Variants in PARM1 observed in about 807,000 individuals in gnomAD.
PARM1 encodes the protein WSC4, cell wall integrity and stress response component 4 homolog.
A neutral mutation model predicts 24.6 loss-of-function variants in PARM1; 14 were observed. That is an observed-to-expected ratio of 0.57 (90% CI 0.38 to 0.89). PARM1 has a LOEUF of 0.89. PARM1 is among the 40% of genes least tolerant of loss of function. PARM1 has a pLI of 0.00. For synonymous variants in PARM1, 179 were observed against 156.6 expected (o/e 1.14, Z -1.07); for missense variants, 362 against 380.4 (o/e 0.95, Z 0.40).
In PARM1 at chr4:75,047,589, G is replaced by T. The variant is rs1324831144; in HGVS notation, c.*1342G>T. ...GACAGTTTTCATTGTCATGACTTGGGGGTGCTACTAGAAGCCAGGAATGCT... is the reference window on the plus strand; with the variant it reads ...GACAGTTTTCATTGTCATGACTTGGTGGTGCTACTAGAAGCCAGGAATGCT... On this transcript the variant is annotated 3_prime_UTR_variant, in exon 4 of 4. Transcript: ENST00000307428. 1.3e-5 allele frequency: 2 copies of T among 152,108 alleles called. No individual in the cohort carries two copies. Among genetic ancestry groups the T allele is most frequent in the Non-Finnish European group, 2.9e-5 (2 of 68,026 alleles). The allele number at this position is 152,108 out of a possible 1,614,324, so 9.4% of individuals were successfully genotyped here. A position where few individuals can be genotyped will look rare whatever the true frequency, so the allele number is the denominator to read the frequency against.
At chr4:75,004,228 CAATG>C (rs1722731494) in intron 1 of PARM1, among the ~76,000 whole-genome samples, 1 of 152,124 alleles carries the variant, frequency 6.6e-6, no homozygotes, top group Non-Finnish European at 1.5e-5. Flanking sequence ...TGTTTCTACT[CAATG>C]AATATTTATT....
rs187141291 is a variant in PARM1 at position 74,934,249 on chromosome 4, C to G, written c.43+879C>G. Among the ~76,000 whole-genome samples, 130 of 152,258 alleles carry G rather than the reference C, an allele frequency of 8.5e-4. 2 individuals carry two copies. Among genetic ancestry groups the G allele is most frequent in the African/African-American group, 3.0e-3 (124 of 41,544 alleles). ...GGTACCTATTTTTTCCAGAAAACGT[C>G]TCCCGAAAAGGGACAACTGGCTGTG... is the stretch of plus-strand genomic sequence containing the variant. On this transcript the variant is annotated intron_variant, in intron 1 of 3. Transcript: ENST00000307428.
rs536808640 is a variant in PARM1 at position 75,046,521 on chromosome 4, C to G, written c.*274C>G. ...GGCCAGACCACCATGGTGAAGGCTT[C>G]TTTCCCCACTGCAGGACCCACTTTG... On this transcript the variant is annotated 3_prime_UTR_variant, in exon 4 of 4. Coordinates refer to ENST00000307428, the MANE Select transcript of PARM1 (RefSeq NM_015393.4). 1.0e-3 allele frequency: 332 copies of G among 331,724 alleles called. 7 individuals carry two copies. In the South Asian group the frequency reaches 0.013, roughly 13 times the overall value. 20.5% of individuals were successfully genotyped at this position (331,724 alleles called of 1,614,324 possible). A position where few individuals can be genotyped will look rare whatever the true frequency, so the allele number is the denominator to read the frequency against.
At chr4:74,958,513 C>T (rs925818560) in intron 1 of PARM1, among the ~76,000 whole-genome samples, 7 of 152,094 alleles carry the variant, frequency 4.6e-5, no homozygotes, top group Non-Finnish European at 8.8e-5. Flanking sequence ...AAATGAAAAG[C>T]TGGGGGTAGA....
At chr4:75,034,603 T>G (rs1723333975) in intron 3 of PARM1, among the ~76,000 whole-genome samples, 2 of 152,246 alleles carry the variant, frequency 1.3e-5, no homozygotes, top group Admixed American at 6.5e-5. Context: ...TCCTCCATTT[T>G]TGTTTTCTAT....
chr4:75,045,880 C>T (rs1723591794), intron 3 of PARM1, among the ~76,000 whole-genome samples: 1 of 152,098 alleles, frequency 6.6e-6, no homozygotes, highest in Admixed American at 6.5e-5. Flanking sequence ...GGAAATGGGG[C>T]CTCCTCTTCC....
In PARM1 at chr4:75,048,696, A is replaced by T. The variant is rs892313246; in HGVS notation, c.*2449A>T. 2 of 152,500 alleles carry T rather than the reference A, an allele frequency of 1.3e-5. No homozygotes were observed. The highest frequency in any genetic ancestry group is 4.8e-5 in the African/African-American group (2 of 41,404). The allele number at this position is 152,500 out of a possible 1,614,324, so 9.4% of individuals were successfully genotyped here. On this transcript the variant is annotated 3_prime_UTR_variant, in exon 4 of 4. Coordinates refer to ENST00000307428, the MANE Select transcript of PARM1 (RefSeq NM_015393.4). Reference sequence around the variant, plus strand: ...TTTTTTTTCTTACCGAAAGGCTGCTATTGTGCAAGGGCACATAATGGGTCT... The same window carrying T: ...TTTTTTTTCTTACCGAAAGGCTGCTTTTGTGCAAGGGCACATAATGGGTCT...
At chr4:75,037,524 C>T (rs1445418141) in intron 3 of PARM1, among the ~76,000 whole-genome samples, 2 of 152,218 alleles carry the variant, frequency 1.3e-5, no homozygotes, top group Non-Finnish European at 2.9e-5. Flanking sequence ...CACTCCCTTT[C>T]TCCAGGGACC....
At chr4:75,033,146 G>A (rs189147038) in intron 2 of PARM1, among the ~76,000 whole-genome samples, 15 of 151,920 alleles carry the variant, frequency 9.9e-5, no homozygotes, top group Non-Finnish European at 1.6e-4. Context: ...TAAAATATTC[G>A]CGTGACTTTA....
intron 1 of PARM1, among the ~76,000 whole-genome samples, chr4:74,943,888 A>T (rs1721360030): frequency 6.6e-6 from 1 of 152,238 alleles, no homozygotes; most frequent in Non-Finnish European, 1.5e-5. Context: ...AGTCACTAAT[A>T]AGCTCAAGAA....
Position 75,047,727 on chromosome 4 carries a change from A to G in PARM1, c.*1480A>G, listed in dbSNP as rs1320239138. 6.6e-6 allele frequency: 1 copy of G among 152,254 alleles called. No homozygotes were observed. Among genetic ancestry groups the G allele is most frequent in the East Asian group, 1.9e-4 (1 of 5,200 alleles). 9.4% of individuals were successfully genotyped at this position (152,254 alleles called of 1,614,324 possible). A position where few individuals can be genotyped will look rare whatever the true frequency, so the allele number is the denominator to read the frequency against. On this transcript the variant is annotated 3_prime_UTR_variant, in exon 4 of 4. Coordinates refer to ENST00000307428, the MANE Select transcript of PARM1 (RefSeq NM_015393.4). The stretch of plus-strand genomic sequence containing the variant: ...CTGATTTATCACAATGCCCACTGTG[A>G]CAGAACAAGACACTCACAGATTAGT...
intron 1 of PARM1, among the ~76,000 whole-genome samples, chr4:74,963,649 G>A (rs1237764946): frequency 6.6e-6 from 1 of 152,150 alleles, no homozygotes; most frequent in Non-Finnish European, 1.5e-5. Flanking sequence ...AGGGGCTAGG[G>A]AGAGGAAAGA....
chr4:74,985,565 G>A (rs1419991215), intron 1 of PARM1, among the ~76,000 whole-genome samples: 4 of 152,160 alleles, frequency 2.6e-5, no homozygotes, highest in East Asian at 1.9e-4. Flanking sequence ...AAGGTCATAA[G>A]CAACTTGCCC....
chr4:74,938,118 A>G (rs1300899461), intron 1 of PARM1, among the ~76,000 whole-genome samples: 1 of 152,228 alleles, frequency 6.6e-6, no homozygotes, highest in Non-Finnish European at 1.5e-5. Flanking sequence ...AAACAATAGC[A>G]ATAATCAATA....
At chr4:74,935,507 G>C (rs1186889275) in intron 1 of PARM1, among the ~76,000 whole-genome samples, 1 of 152,214 alleles carries the variant, frequency 6.6e-6, no homozygotes, top group Non-Finnish European at 1.5e-5. Context: ...CTCTTGAAGT[G>C]AAAGTGCACA....
rs545410663 is a variant in PARM1, at chr4:74,949,015, C to T, written c.43+15645C>T. Among the ~76,000 whole-genome samples the T allele has an allele frequency of 2.0e-5, 3 of 151,900 alleles. No homozygotes were observed. In the East Asian group the frequency reaches 5.8e-4, roughly 29 times the overall value. On this transcript the variant is annotated intron_variant, in intron 1 of 3. Transcript: ENST00000307428. ...CCAGCCTCGGCGACAGAGCGAGACTCTGTCTCAAAAAAAAACAAAAAACAA... is the reference window on the plus strand; with the variant it reads ...CCAGCCTCGGCGACAGAGCGAGACTTTGTCTCAAAAAAAAACAAAAAACAA...
chr4:75,028,835 A>G (rs149791515), intron 2 of PARM1, among the ~76,000 whole-genome samples: 1 of 152,322 alleles, frequency 6.6e-6, no homozygotes, highest in Non-Finnish European at 1.5e-5. Flanking sequence ...ATGTCCTAAT[A>G]TTTACATTTT....
Position 75,012,925 on chromosome 4 carries a change from A to G in PARM1, c.544A>G (p.Thr182Ala). Residue 182 changes from threonine to alanine, a missense_variant, in exon 2 of 4, where the codon ACC (threonine) becomes GCC (alanine). Thr to Ala is a moderately conservative substitution (Grantham distance 58, BLOSUM62 0). Coordinates refer to ENST00000307428, the MANE Select transcript of PARM1 (RefSeq NM_015393.4). ...SVTTNHSSTV[T>A]STQPTGAPTA... is the part of the protein sequence containing the mutation. ...TACTACCAACCATAGCTCCACTGTG[A>G]CCAGCACCCAACCCACTGGAGCTCC... 6.2e-7 allele frequency: 1 copy of G among 1,613,968 alleles called. No individual in the cohort carries two copies. The highest frequency in any genetic ancestry group is 8.5e-7 in the Non-Finnish European group (1 of 1,179,894).
At chr4:74,957,189 G>A (rs1721654390) in intron 1 of PARM1, 1 of 152,196 alleles carries the variant, frequency 6.6e-6, no homozygotes, top group South Asian at 2.1e-4. Flanking sequence ...TGGAAAGTTG[G>A]TACTACTGGT....
Sources: allele counts gnomAD v4.1 joint callset (sites outside exome capture counted in the v4.1 genomes callset), GRCh38; gene constraint gnomAD v4.1.1; transcripts MANE v1.5; gene names NCBI Gene and HGNC (gene_info 2026-07-23, HGNC 2026-07-21).